SSBP3: variants seen among roughly 807,000 people sequenced by gnomAD.
The protein encoded by SSBP3 is single stranded DNA binding protein 3.
Under a neutral mutation model 69.6 loss-of-function variants are expected in SSBP3, and 5 were observed. The observed-to-expected ratio is 0.07, with a 90% confidence interval of 0.04 to 0.15. SSBP3 has a LOEUF of 0.15. Ranked by LOEUF, SSBP3 falls within the 10% of genes least tolerant of loss-of-function variation. The pLI, the probability that SSBP3 is intolerant of heterozygous loss-of-function variation, is 1.00. For synonymous variants in SSBP3, 196 were observed against 193.4 expected, an observed-to-expected ratio of 1.01 and a Z score of -0.11; for missense variants, 312 against 534.0, an observed-to-expected ratio of 0.58 and a Z score of 4.10.
At position 54,235,576 on chromosome 1, in the gene SSBP3, C is replaced by T. The variant is rs558167961; in HGVS notation, c.927+3553G>A. Among the ~76,000 whole-genome samples, 3 of 151,454 alleles carry T rather than the reference C, an allele frequency of 2.0e-5. No individual in the cohort carries two copies. The South Asian group carries it at 6.3e-4, about 32-fold the overall frequency. ...GTTCAAGCAATTCTGCCTCAGCCTCCTGAGTAGCTGGGATTACAGGCACCA... is the reference window on the plus strand; with the variant it reads ...GTTCAAGCAATTCTGCCTCAGCCTCTTGAGTAGCTGGGATTACAGGCACCA... On this transcript the variant is annotated intron_variant, in intron 14 of 17. Coordinates refer to ENST00000610401, the Ensembl canonical transcript of SSBP3.
Position 54,405,933 on chromosome 1 carries a change from A to C in SSBP3, c.56+20T>G. ...GCAGCCCGGCGGCGGCGCGGCCGCCACTTGCAAAATAGGGCTTACTTTTCC... is the reference window on the plus strand; with the variant it reads ...GCAGCCCGGCGGCGGCGCGGCCGCCCCTTGCAAAATAGGGCTTACTTTTCC... On this transcript the variant is annotated intron_variant, in intron 1 of 17. Coordinates refer to ENST00000610401, the Ensembl canonical transcript of SSBP3. 8 of 1,200,292 alleles carry C rather than the reference A, an allele frequency of 6.7e-6. No individual in the cohort carries two copies. The highest frequency in any genetic ancestry group is 6.4e-5 in the East Asian group (1 of 15,536). 74.4% of individuals were successfully genotyped at this position (1,200,292 alleles called of 1,614,324 possible). A position where few individuals can be genotyped will look rare whatever the true frequency, so the allele number is the denominator to read the frequency against.
chr1:54,350,391 G>A (rs1646762659), intron 4 of SSBP3, among the ~76,000 whole-genome samples: 1 of 152,260 alleles, frequency 6.6e-6, no homozygotes, highest in African/African-American at 2.4e-5. Flanking sequence ...ATCCGTGGAA[G>A]AGGTACAAGC....
chr1:54,359,208 CAAAAAAAAAAAA>C (rs56901465), intron 4 of SSBP3, among the ~76,000 whole-genome samples: 3 of 75,480 alleles, frequency 4.0e-5, no homozygotes, highest in East Asian at 4.1e-4. Flanking sequence ...ACCCTCCCCT[CAAAAAAAAAAAA>C]AAAAAAAAAA....
intron 5 of SSBP3, among the ~76,000 whole-genome samples, chr1:54,269,148 A>G (rs1283422440): frequency 1.3e-5 from 2 of 152,022 alleles, no homozygotes; most frequent in Non-Finnish European, 2.9e-5. Context: ...AGCCTTCCTT[A>G]TTAGCCCACG....
chr1:54,355,322 A>G (rs1646845879), intron 4 of SSBP3, among the ~76,000 whole-genome samples: 1 of 152,170 alleles, frequency 6.6e-6, no homozygotes, highest in Admixed American at 6.5e-5. Context: ...AACCACAGAC[A>G]TTACAGGGAG....
rs1001020667 is a variant in SSBP3, at chr1:54,250,142, G to A, written c.651+1474C>T. 5.9e-5 allele frequency among the ~76,000 whole-genome samples: 9 copies of A among 152,350 alleles called. 1 individual carries two copies. The highest frequency in any genetic ancestry group is 1.9e-4 in the East Asian group (1 of 5,194). On this transcript the variant is annotated intron_variant, in intron 9 of 17. Transcript: ENST00000610401. ...AGCCCTGCAGAGGTCAGCTCCAGGC[G>A]GCTGCCAGGCAGGAAGGGGCCACTC...
chr1:54,331,307 C>T (rs76339614), intron 4 of SSBP3, among the ~76,000 whole-genome samples: 2 of 152,096 alleles, frequency 1.3e-5, no homozygotes, highest in African/African-American at 2.4e-5. Flanking sequence ...GCTACAGTCT[C>T]GGATATCCTT....
intron 4 of SSBP3, among the ~76,000 whole-genome samples, chr1:54,377,953 G>GA (rs1234517828): frequency 6.6e-6 from 1 of 151,978 alleles, no homozygotes; most frequent in African/African-American, 2.4e-5. Flanking sequence ...TTTAAGTAAG[G>GA]AAAAATACTT....
intron 4 of SSBP3, among the ~76,000 whole-genome samples, chr1:54,328,740 C>T (rs1458636734): frequency 3.3e-5 from 5 of 152,216 alleles, no homozygotes; most frequent in Admixed American, 3.3e-4. Context: ...AGACTGATTC[C>T]CTCTCCAGTG....
rs1649758087 is a variant in SSBP3, at chr1:54,406,212, C to T, written c.-204G>A. 1.2e-4 allele frequency: 52 copies of T among 429,330 alleles called. 2 individuals carry two copies. The South Asian group carries it at 2.8e-3, about 23-fold the overall frequency. The allele number at this position is 429,330 out of a possible 1,614,324, so 26.6% of individuals were successfully genotyped here. A position where few individuals can be genotyped will look rare whatever the true frequency, so the allele number is the denominator to read the frequency against. On this transcript the variant is annotated 5_prime_UTR_variant, in exon 1 of 18. Transcript: ENST00000610401. The stretch of plus-strand genomic sequence containing the variant: ...CTCTTTCCAGCTGTCAAAGCGTCAG[C>T]CCCGGCCGCGGCCCCATCGCCCTGG...
intron 4 of SSBP3, among the ~76,000 whole-genome samples, chr1:54,287,636 A>G (rs1170742801): frequency 6.6e-6 from 1 of 150,966 alleles, no homozygotes; most frequent in Non-Finnish European, 1.5e-5. Flanking sequence ...TGTGCAAACT[A>G]TGGAGTAACC....
intron 4 of SSBP3, chr1:54,356,735 A>C (rs927827543): frequency 2.0e-5 from 3 of 152,294 alleles, no homozygotes; most frequent in Non-Finnish European, 2.9e-5. Flanking sequence ...CGGGTGCCCC[A>C]GGAGCCGCTT....
intron 4 of SSBP3, among the ~76,000 whole-genome samples, chr1:54,284,746 G>C (rs1178967122): frequency 1.3e-5 from 2 of 152,068 alleles, no homozygotes; most frequent in Middle Eastern, 3.2e-3. Context: ...TAGCATTACA[G>C]GTGTGAACCA....
At chr1:54,357,613 T>C (rs1376113103) in intron 4 of SSBP3, among the ~76,000 whole-genome samples, 1 of 152,200 alleles carries the variant, frequency 6.6e-6, no homozygotes, top group Non-Finnish European at 1.5e-5. Flanking sequence ...AAAGTCCTAA[T>C]GTCCTAAGCT....
intron 9 of SSBP3, among the ~76,000 whole-genome samples, chr1:54,247,481 A>G (rs1179842681): frequency 6.6e-6 from 1 of 152,182 alleles, no homozygotes; most frequent in African/African-American, 2.4e-5. Flanking sequence ...GCTCAGGACC[A>G]GGATTAATGA....
intron 4 of SSBP3, among the ~76,000 whole-genome samples, chr1:54,354,387 ACT>A (rs1368395435): frequency 6.6e-6 from 1 of 152,080 alleles, no homozygotes; most frequent in African/African-American, 2.4e-5. Flanking sequence ...CCCTCAATGG[ACT>A]CTGAGGGTCA....
At chr1:54,261,595 C>T (rs1385743295) in intron 5 of SSBP3, among the ~76,000 whole-genome samples, 1 of 152,120 alleles carries the variant, frequency 6.6e-6, no homozygotes, top group Non-Finnish European at 1.5e-5. Flanking sequence ...CTTTTCCATG[C>T]AGGACATCTC....
At chr1:54,246,254 A>G (rs1224169628) in intron 9 of SSBP3, among the ~76,000 whole-genome samples, 1 of 152,206 alleles carries the variant, frequency 6.6e-6, no homozygotes, top group Non-Finnish European at 1.5e-5. Context: ...GCAGCATTGC[A>G]GAAGCTTGGG....
At chr1:54,323,126 C>T (rs1303895145) in intron 4 of SSBP3, among the ~76,000 whole-genome samples, 2 of 152,092 alleles carry the variant, frequency 1.3e-5, no homozygotes, top group African/African-American at 2.4e-5. Context: ...TTCAATCTCC[C>T]ACTTCCCAGC....
Sources: allele counts gnomAD v4.1 joint callset (sites outside exome capture counted in the v4.1 genomes callset), GRCh38; gene constraint gnomAD v4.1.1; transcripts MANE v1.5; gene names NCBI Gene and HGNC (gene_info 2026-07-23, HGNC 2026-07-21).